Variants in RNF150 observed in about 807,000 individuals in gnomAD.
The protein encoded by RNF150 is ring finger protein 150.
In RNF150, 24 loss-of-function variants were observed where a neutral mutation model predicts 39.3. That is an observed-to-expected ratio of 0.61 (90% CI 0.44 to 0.86). The LOEUF is 0.86. Among genes scored for constraint, RNF150 ranks in the 40% least tolerant of loss-of-function variants. RNF150 has a pLI of 0.00. For missense variants in RNF150, 502 were observed against 587.8 expected (o/e 0.85, Z 1.51); for synonymous variants, 255 against 227.3 (o/e 1.12, Z -1.10).
At chr4:141,014,579 C>T (rs1417395813) in intron 1 of RNF150, among the ~76,000 whole-genome samples, 1 of 152,204 alleles carries the variant, frequency 6.6e-6, no homozygotes, top group Non-Finnish European at 1.5e-5. Flanking sequence ...TTTGCATTTT[C>T]CTAATGATCA....
intron 5 of RNF150, among the ~76,000 whole-genome samples, chr4:140,916,869 G>C (rs922255136): frequency 1.3e-5 from 2 of 152,214 alleles, no homozygotes; most frequent in Admixed American, 1.3e-4. Context: ...CAAGCCAGAA[G>C]AGAGTGGGAG....
chr4:141,113,472 T>A (rs1739456573), intron 1 of RNF150, among the ~76,000 whole-genome samples: 1 of 151,944 alleles, frequency 6.6e-6, no homozygotes, highest in South Asian at 2.1e-4. Flanking sequence ...GGGCTAACTA[T>A]CCTAAATATA....
intron 5 of RNF150, among the ~76,000 whole-genome samples, chr4:140,919,030 G>A (rs376251480): frequency 1.3e-3 from 195 of 149,586 alleles, no homozygotes; most frequent in Admixed American, 1.7e-3. Context: ...TTGATGGGAC[G>A]TATCTCAAAA....
intron 1 of RNF150, among the ~76,000 whole-genome samples, chr4:141,080,453 T>A (rs1383453478): frequency 6.6e-6 from 1 of 152,248 alleles, no homozygotes; most frequent in Non-Finnish European, 1.5e-5. Context: ...TTAAATTTTC[T>A]CTCGTCATTG....
At chr4:140,990,913 C>T (rs144008541) in intron 1 of RNF150, among the ~76,000 whole-genome samples, 64 of 152,164 alleles carry the variant, frequency 4.2e-4, no homozygotes, top group Middle Eastern at 3.4e-3. Context: ...ATCACCACAC[C>T]GTCTTTCACA....
chr4:140,883,275 G>A (rs1417137211), intron 6 of RNF150, among the ~76,000 whole-genome samples: 2 of 151,846 alleles, frequency 1.3e-5, no homozygotes, highest in African/African-American at 4.8e-5. Context: ...TTCTATACCA[G>A]AATTAAAAGT....
chr4:141,195,221 T>C (rs998271210), intron 1 of RNF150, among the ~76,000 whole-genome samples: 1 of 152,106 alleles, frequency 6.6e-6, no homozygotes, highest in Non-Finnish European at 1.5e-5. Flanking sequence ...GGGATCCTGA[T>C]GTAGTGTCTG....
chr4:141,119,398 A>G (rs1726542757), intron 1 of RNF150, among the ~76,000 whole-genome samples: 1 of 152,246 alleles, frequency 6.6e-6, no homozygotes, highest in African/African-American at 2.4e-5. Context: ...AATTCCTTCT[A>G]GCCACAGTCA....
chr4:141,019,233 G>A (rs1735395442), intron 1 of RNF150, among the ~76,000 whole-genome samples: 1 of 151,496 alleles, frequency 6.6e-6, no homozygotes, highest in African/African-American at 2.4e-5. Context: ...ATCACAGAAT[G>A]TAAATAAAAT....
intron 1 of RNF150, among the ~76,000 whole-genome samples, chr4:141,150,301 A>T (rs749936374): frequency 8.5e-5 from 13 of 152,110 alleles, no homozygotes; most frequent in Non-Finnish European, 1.5e-4. Context: ...CAGGGAAAAA[A>T]CCTTGGAGCT....
At chr4:140,919,373 G>A (rs1731003259) in intron 5 of RNF150, among the ~76,000 whole-genome samples, 1 of 134,822 alleles carries the variant, frequency 7.4e-6, no homozygotes, top group Non-Finnish European at 1.6e-5. Flanking sequence ...AACATCACAA[G>A]CATTCTTATA....
chr4:140,997,446 C>A (rs1024098432), intron 1 of RNF150, among the ~76,000 whole-genome samples: 3 of 152,058 alleles, frequency 2.0e-5, no homozygotes, highest in Non-Finnish European at 4.4e-5. Flanking sequence ...CATGGTGAAA[C>A]CCCATCTCTA....
intron 1 of RNF150, among the ~76,000 whole-genome samples, chr4:141,154,256 A>G (rs1727347124): frequency 6.6e-6 from 1 of 152,132 alleles, no homozygotes; most frequent in African/African-American, 2.4e-5. Flanking sequence ...TCCTTGGCCA[A>G]TTTCCAACTT....
intron 1 of RNF150, among the ~76,000 whole-genome samples, chr4:140,994,465 G>A (rs1734295257): frequency 6.6e-6 from 1 of 151,216 alleles, no homozygotes; most frequent in African/African-American, 2.4e-5. Flanking sequence ...GCATGTGTGT[G>A]CACGCACACA....
intron 1 of RNF150, among the ~76,000 whole-genome samples, chr4:141,027,363 A>G (rs1360544426): frequency 2.6e-5 from 4 of 152,160 alleles, no homozygotes; most frequent in Non-Finnish European, 5.9e-5. Context: ...GAAAAAATAT[A>G]TTTTGTTTTT....
chr4:140,959,353 G>T (rs1579004798), intron 2 of RNF150, among the ~76,000 whole-genome samples: 1 of 152,188 alleles, frequency 6.6e-6, no homozygotes, highest in South Asian at 2.1e-4. Flanking sequence ...AGATTCCACT[G>T]GGCTGGAATA....
chr4:141,094,615 T>C (rs2111017818), intron 1 of RNF150, among the ~76,000 whole-genome samples: 1 of 152,382 alleles, frequency 6.6e-6, no homozygotes, highest in Non-Finnish European at 1.5e-5. Flanking sequence ...CTTGGGGCTG[T>C]ACAAAAACAG....
At chr4:141,045,529 A>C (rs1376729629) in intron 1 of RNF150, among the ~76,000 whole-genome samples, 4 of 151,764 alleles carry the variant, frequency 2.6e-5, no homozygotes, top group Admixed American at 1.3e-4. Context: ...TTCTTTTTTT[A>C]TTTTTATTTT....
intron 1 of RNF150, among the ~76,000 whole-genome samples, chr4:141,011,558 G>C (rs1232340010): frequency 6.6e-6 from 1 of 152,142 alleles, no homozygotes; most frequent in Non-Finnish European, 1.5e-5. Flanking sequence ...TAAACATTAA[G>C]GTCAAGTATA....
Sources: gnomAD v4.1 joint callset for allele counts (sites outside exome capture counted in the v4.1 genomes callset) on GRCh38, gnomAD v4.1.1 for gene constraint, MANE v1.5 for transcripts, NCBI Gene and HGNC (gene_info 2026-07-23, HGNC 2026-07-21) for gene names.